Variants in IRGQ observed in about 807,000 individuals in gnomAD.
IRGQ encodes immunity related GTPase Q, also known as immunity-related GTPase family Q protein.
IRGQ carries 5 observed loss-of-function variants against 10.5 expected under a neutral mutation model. The ratio of observed to expected loss-of-function variants is 0.48; its 90% CI spans 0.25 to 1.00. The LOEUF (loss-of-function observed/expected upper bound fraction) is 1.00, where lower values mean the gene tolerates loss of function less well. Ranked by LOEUF, IRGQ falls within the 50% of genes least tolerant of loss-of-function variation. The pLI is 0.16. For missense variants in IRGQ, 792 were observed against 877.7 expected, an observed-to-expected ratio of 0.90 and a Z score of 1.23; for synonymous variants, 418 against 426.0, an observed-to-expected ratio of 0.98 and a Z score of 0.23.
In IRGQ at chr19:43,588,197, T is replaced by A. The variant is rs1183481288; in HGVS notation, c.*3829A>T. The stretch of plus-strand genomic sequence containing the variant: ...CTATAATCCCAGCACTTTGGGAGGC[T>A]GAGGCCGGTGGATCACCTGAGGTCA... On this transcript the variant is annotated 3_prime_UTR_variant, in exon 3 of 3. Transcript: ENST00000422989. The A allele has an allele frequency of 1.3e-5, 2 of 151,288 alleles. No homozygotes were observed. Among genetic ancestry groups the A allele is most frequent in the Non-Finnish European group, 2.9e-5 (2 of 67,840 alleles). 9.4% of individuals were successfully genotyped at this position (151,288 alleles called of 1,614,324 possible). A position where few individuals can be genotyped will look rare whatever the true frequency, so the allele number is the denominator to read the frequency against.
Position 43,593,701 on chromosome 19 carries a change from G to T in IRGQ, c.531-334C>A, listed in dbSNP as rs1033814928. ...GTTTTTCCAAGGGTCGGCTGTGCTG[G>T]GTGGGACAAAGCTCACAGAGGGTGG... On this transcript the variant is annotated intron_variant, in intron 2 of 2. Coordinates refer to ENST00000422989, the MANE Select transcript of IRGQ (RefSeq NM_001007561.3). This position sits in a 1 kb window ranked among gnomAD's most constrained non-coding sequence, Gnocchi z 6.4. 1.3e-5 allele frequency among the ~76,000 whole-genome samples: 2 copies of T among 152,162 alleles called. No homozygotes were observed. Among genetic ancestry groups the T allele is most frequent in the Non-Finnish European group, 2.9e-5 (2 of 68,026 alleles).
Position 43,592,301 on chromosome 19 carries a change from C to T in IRGQ, c.1597G>A (p.Ala533Thr), listed in dbSNP as rs1251069863. ...EPTALARRERALGLASGELAA... is the reference protein window; with the variant it reads ...EPTALARRERTLGLASGELAA... Reference sequence around the variant, plus strand: ...AGCTCTCCAGAAGCCAGGCCCAGGGCACGCTCACGTCGAGCCAGTGCCGTG... The same window carrying T: ...AGCTCTCCAGAAGCCAGGCCCAGGGTACGCTCACGTCGAGCCAGTGCCGTG... Residue 533 changes from alanine (A) to threonine (T), a missense_variant, in exon 3 of 3, where the codon GCC becomes ACC. Physicochemically the swap from Ala to Thr is moderately conservative, Grantham distance 58. Transcript: ENST00000422989. 3 of 1,566,830 alleles carry T rather than the reference C, an allele frequency of 1.9e-6. No individual in the cohort carries two copies. The Admixed American group carries it at 5.4e-5, about 28-fold the overall frequency.
At position 43,592,386 on chromosome 19, in the gene IRGQ, G is replaced by A. The variant is rs1418846811; in HGVS notation, c.1512C>T (p.Cys504=). ...GCTGACCCCGCAGAAGTGCCACGTC[G>A]CATGCCCAGCCCAGCCCTGGGAGTG... ...AAPLPGLGWA[C]DVALLRGQLA... The change falls in exon 3 of 3, where the codon TGC becomes TGT. Residue 504 remains cysteine, a synonymous_variant. Coordinates refer to ENST00000422989, the MANE Select transcript of IRGQ (RefSeq NM_001007561.3). The A allele has an allele frequency of 8.2e-6, 13 of 1,576,542 alleles. No homozygotes were observed. Among genetic ancestry groups the A allele is most frequent in the African/African-American group, 1.3e-5 (1 of 74,166 alleles).
rs1568527525 is a variant in IRGQ at position 43,592,422 on chromosome 19, C to T, written c.1476G>A (p.Ala492=). 4 of 1,576,460 alleles carry T rather than the reference C, an allele frequency of 2.5e-6. No homozygotes were observed. The highest frequency in any genetic ancestry group is 1.3e-5 in the African/African-American group (1 of 74,090). The change falls in exon 3 of 3, where the codon GCG becomes GCA. Residue 492 remains alanine (A), a synonymous_variant. Coordinates refer to ENST00000422989, the MANE Select transcript of IRGQ (RefSeq NM_001007561.3). ...CCAGCCCTGGGAGTGGTGCCGCCGC[C>T]GCCGCCAGACTAGCCAGCAGAGCTG... ...WRPALLASLA[A]AAAPLPGLGW...
rs1207152793 is a variant in IRGQ, at chr19:43,585,244, G to GT, written c.*6781_*6782insA. The GT allele has an allele frequency of 1.3e-5, 2 of 150,350 alleles. No individual in the cohort carries two copies. Among genetic ancestry groups the GT allele is most frequent in the African/African-American group, 4.9e-5 (2 of 40,770 alleles). 9.3% of individuals were successfully genotyped at this position (150,350 alleles called of 1,614,324 possible). A position where few individuals can be genotyped will look rare whatever the true frequency, so the allele number is the denominator to read the frequency against. Reference sequence around the variant, plus strand: ...GGAAGTCCCAGTGCATAAGCACTTTGGTTTTTTTTTTTTGAGAGAAGTCTC... The same window carrying GT: ...GGAAGTCCCAGTGCATAAGCACTTTGTGTTTTTTTTTTTTGAGAGAAGTCTC... On this transcript the variant is annotated 3_prime_UTR_variant, in exon 3 of 3. Transcript: ENST00000422989.
chr19:43,585,979 C>G lies in IRGQ; in HGVS notation c.*6047G>C, dbSNP rs1300247900. 1 of 152,202 alleles carries G rather than the reference C, an allele frequency of 6.6e-6. No individual in the cohort carries two copies. Among genetic ancestry groups the G allele is most frequent in the Non-Finnish European group, 1.5e-5 (1 of 68,034 alleles). The allele number at this position is 152,202 out of a possible 1,614,324, so 9.4% of individuals were successfully genotyped here. ...TTATTCATTCCTCCAAAGAGCACCA[C>G]AGGCCAACCACACCCTTGATGTGTC... On this transcript the variant is annotated 3_prime_UTR_variant, in exon 3 of 3. Coordinates refer to ENST00000422989, the MANE Select transcript of IRGQ (RefSeq NM_001007561.3).
rs1337231074 is a variant in IRGQ at position 43,593,505 on chromosome 19, G to A, written c.531-138C>T. 9.0e-6 allele frequency: 7 copies of A among 777,876 alleles called. No individual in the cohort carries two copies. In the South Asian group the frequency reaches 3.0e-4, roughly 33 times the overall value. The allele number at this position is 777,876 out of a possible 1,614,324, so 48.2% of individuals were successfully genotyped here. A position where few individuals can be genotyped will look rare whatever the true frequency, so the allele number is the denominator to read the frequency against. ...TAGGAAAGGGAAGGGCCAGACTGAT[G>A]GCACAGCAAATAGAAACCAGATAGG... On this transcript the variant is annotated intron_variant, in intron 2 of 2. Transcript: ENST00000422989. This position sits in a 1 kb window ranked among gnomAD's most constrained non-coding sequence, Gnocchi z 6.4.
Position 43,591,825 on chromosome 19 carries a change from G to A in IRGQ, c.*201C>T. Reference sequence around the variant, plus strand: ...GTCGCGCCATTGCACTCCAGCCTGGGCAACAAGAGACTTCGTCTCACAAAA... The same window carrying A: ...GTCGCGCCATTGCACTCCAGCCTGGACAACAAGAGACTTCGTCTCACAAAA... On this transcript the variant is annotated 3_prime_UTR_variant, in exon 3 of 3. Coordinates refer to ENST00000422989, the MANE Select transcript of IRGQ (RefSeq NM_001007561.3). 1 of 504,578 alleles carries A rather than the reference G, an allele frequency of 2.0e-6. No individual in the cohort carries two copies. Among genetic ancestry groups the A allele is most frequent in the Non-Finnish European group, 3.3e-6 (1 of 302,702 alleles). 31.3% of individuals were successfully genotyped at this position (504,578 alleles called of 1,614,324 possible). A position where few individuals can be genotyped will look rare whatever the true frequency, so the allele number is the denominator to read the frequency against.
rs1272752610 is a variant in IRGQ, at chr19:43,591,422, GA to G, written c.*603del. The stretch of plus-strand genomic sequence containing the variant: ...AACAGGACTTCTACCAGCCTCCCTG[GA>G]GGACTAAACATCCAGTAACTCCAGT... On this transcript the variant is annotated 3_prime_UTR_variant, in exon 3 of 3. Transcript: ENST00000422989. 1 of 152,300 alleles carries G rather than the reference GA, an allele frequency of 6.6e-6. No individual in the cohort carries two copies. Among genetic ancestry groups the G allele is most frequent in the African/African-American group, 2.4e-5 (1 of 41,438 alleles). The allele number at this position is 152,300 out of a possible 1,614,324, so 9.4% of individuals were successfully genotyped here. A position where few individuals can be genotyped will look rare whatever the true frequency, so the allele number is the denominator to read the frequency against.
chr19:43,594,950 T>C lies in IRGQ; in HGVS notation c.389A>G (p.Gln130Arg), dbSNP rs917878418. The C allele has an allele frequency of 6.2e-7, 1 of 1,613,942 alleles. No individual in the cohort carries two copies. Among genetic ancestry groups the C allele is most frequent in the African/African-American group, 1.3e-5 (1 of 74,946 alleles). Residue 130 changes from glutamine to arginine, a missense_variant, in exon 2 of 3, where the codon CAG (glutamine) becomes CGG (arginine). Transcript: ENST00000422989. ...DSQTAAQARD[Q>R]TAALLNSAGL... ...CGCGCTGTTCAGCAGAGCTGCTGTC[T>C]GATCACGGGCCTGGGCGGCAGTCTG...
chr19:43,593,451 T>C lies in IRGQ; in HGVS notation c.531-84A>G, dbSNP rs991665452. ...GGGCTATGATGACAAGGGCAGAGCT[T>C]TCCTAATGATCCCAGAATGGGGCAG... On this transcript the variant is annotated intron_variant, in intron 2 of 2. Coordinates refer to ENST00000422989, the MANE Select transcript of IRGQ (RefSeq NM_001007561.3). This position sits in a 1 kb window ranked among gnomAD's most constrained non-coding sequence, Gnocchi z 6.4. 3 of 1,351,304 alleles carry C rather than the reference T, an allele frequency of 2.2e-6. No homozygotes were observed. In the African/African-American group the frequency reaches 4.4e-5, roughly 20 times the overall value. 83.7% of individuals were successfully genotyped at this position (1,351,304 alleles called of 1,614,324 possible). A position where few individuals can be genotyped will look rare whatever the true frequency, so the allele number is the denominator to read the frequency against.
rs59975994 is a variant in IRGQ at position 43,584,666 on chromosome 19, T to C, written c.*7360A>G. On this transcript the variant is annotated 3_prime_UTR_variant, in exon 3 of 3. Coordinates refer to ENST00000422989, the MANE Select transcript of IRGQ (RefSeq NM_001007561.3). ...GTTAATGATTCTCTGGGTTGCAACTTGGTCTGGGATCAGCTGGGCAGTTCT... is the reference window on the plus strand; with the variant it reads ...GTTAATGATTCTCTGGGTTGCAACTCGGTCTGGGATCAGCTGGGCAGTTCT... 75,247 of 151,970 alleles carry C rather than the reference T, an allele frequency of 0.5. 18,815 individuals carry two copies. The highest frequency in any genetic ancestry group is 0.67 in the East Asian group (3,489 of 5,172). The allele number at this position is 151,970 out of a possible 1,614,324, so 9.4% of individuals were successfully genotyped here.
rs1429027880 is a variant in IRGQ at position 43,587,538 on chromosome 19, A to C, written c.*4488T>G. 6.6e-6 allele frequency: 1 copy of C among 152,244 alleles called. No homozygotes were observed. The highest frequency in any genetic ancestry group is 1.5e-5 in the Non-Finnish European group (1 of 68,056). 9.4% of individuals were successfully genotyped at this position (152,244 alleles called of 1,614,324 possible). ...AGATAAAAATGTACCATGGTAATTG[A>C]GATTTGGTGTAAGTGTAAAATATAT... On this transcript the variant is annotated 3_prime_UTR_variant, in exon 3 of 3. Transcript: ENST00000422989.
rs969777644 is a variant in IRGQ at position 43,589,917 on chromosome 19, C to T, written c.*2109G>A. ...GAGTAGAGCCTTGAAGGAAAGAGAA[C>T]AGCAGGTGCATGGGTCCCCAGGCAG... On this transcript the variant is annotated 3_prime_UTR_variant, in exon 3 of 3. Transcript: ENST00000422989. 6.6e-6 allele frequency: 1 copy of T among 152,144 alleles called. No individual in the cohort carries two copies. Among genetic ancestry groups the T allele is most frequent in the Non-Finnish European group, 1.5e-5 (1 of 68,112 alleles). 9.4% of individuals were successfully genotyped at this position (152,144 alleles called of 1,614,324 possible). A position where few individuals can be genotyped will look rare whatever the true frequency, so the allele number is the denominator to read the frequency against.
rs1168648575 is a variant in IRGQ, at chr19:43,595,015, G to T, written c.324C>A (p.Thr108=). ...EAALAALARG[T]PLLAVRNLRP... is the part of the protein sequence containing the mutation. ...GGAGGTTCCGCACAGCCAGTAGCGG[G>T]GTCCCTCGGGCCAGGGCGGCCAGCG... The change falls in exon 2 of 3, where the codon ACC becomes ACA. Residue 108 remains threonine (T), a synonymous_variant. Transcript: ENST00000422989. 2 of 1,613,472 alleles carry T rather than the reference G, an allele frequency of 1.2e-6. No individual in the cohort carries two copies. Among genetic ancestry groups the T allele is most frequent in the Non-Finnish European group, 1.7e-6 (2 of 1,179,888 alleles).
chr19:43,586,224 C>T lies in IRGQ; in HGVS notation c.*5802G>A, dbSNP rs964080188. 3.9e-5 allele frequency: 6 copies of T among 152,154 alleles called. No homozygotes were observed. Among genetic ancestry groups the T allele is most frequent in the African/African-American group, 9.7e-5 (4 of 41,424 alleles). The allele number at this position is 152,154 out of a possible 1,614,324, so 9.4% of individuals were successfully genotyped here. A position where few individuals can be genotyped will look rare whatever the true frequency, so the allele number is the denominator to read the frequency against. On this transcript the variant is annotated 3_prime_UTR_variant, in exon 3 of 3. Transcript: ENST00000422989. Reference sequence around the variant, plus strand: ...GTGCCATGCAGACACACTTCAGTGGCGGCCAGTGATCTGTCTACAAGGGAG... The same window carrying T: ...GTGCCATGCAGACACACTTCAGTGGTGGCCAGTGATCTGTCTACAAGGGAG...
Position 43,592,134 on chromosome 19 carries a change from C to T in IRGQ, c.1764G>A (p.Ala588=), listed in dbSNP as rs768466106. ...CCGCTCGGTAGCCCAGGCCACCTGT[C>T]GCCGCTGCACCACCCGCAGGCCACA... ...SFLWPAGGAA[A]TGGLGYRAAH... is the part of the protein sequence containing the mutation. The change falls in exon 3 of 3, where the codon GCG becomes GCA. Residue 588 remains alanine, a synonymous_variant. Coordinates refer to ENST00000422989, the MANE Select transcript of IRGQ (RefSeq NM_001007561.3). 47 of 1,611,020 alleles carry T rather than the reference C, an allele frequency of 2.9e-5. No homozygotes were observed. Among genetic ancestry groups the T allele is most frequent in the Non-Finnish European group, 4.0e-5 (47 of 1,179,696 alleles).
Position 43,595,302 on chromosome 19 carries a change from G to T in IRGQ, c.37C>A (p.Leu13Met). The change falls in exon 2 of 3, where the codon CTG becomes ATG. Residue 13 changes from leucine to methionine, a missense_variant. Physicochemically the swap from Leu to Met is conservative, Grantham distance 15. Coordinates refer to ENST00000422989, the MANE Select transcript of IRGQ (RefSeq NM_001007561.3). ...GACTTCCCCAAGCCCGGAGGCCCCA[G>T]GAACAAGGCGGTCACGTCACCCTGC... ...PPQGDVTALF[L>M]GPPGLGKSAL... 1 of 1,579,946 alleles carries T rather than the reference G, an allele frequency of 6.3e-7. No individual in the cohort carries two copies. Among genetic ancestry groups the T allele is most frequent in the Non-Finnish European group, 8.6e-7 (1 of 1,162,936 alleles).
At position 43,592,300 on chromosome 19, in the gene IRGQ, G is replaced by A; in HGVS notation, c.1598C>T (p.Ala533Val). 3 of 1,566,378 alleles carry A rather than the reference G, an allele frequency of 1.9e-6. No individual in the cohort carries two copies. The highest frequency in any genetic ancestry group is 2.6e-6 in the Non-Finnish European group (3 of 1,164,836). ...CAGCTCTCCAGAAGCCAGGCCCAGG[G>A]CACGCTCACGTCGAGCCAGTGCCGT... The part of the protein sequence containing the change: ...EPTALARRER[A>V]LGLASGELAA... Residue 533 changes from alanine to valine, a missense_variant, in exon 3 of 3, where the codon GCC (alanine) becomes GTC (valine). Ala to Val is a moderately conservative substitution (Grantham distance 64). Coordinates refer to ENST00000422989, the MANE Select transcript of IRGQ (RefSeq NM_001007561.3).
Sources: gnomAD v4.1 joint callset for allele counts (sites outside exome capture counted in the v4.1 genomes callset) on GRCh38, gnomAD v4.1.1 for gene constraint, Gnocchi (gnomAD v3.1) non-coding constraint, MANE v1.5 for transcripts, NCBI Gene and HGNC (gene_info 2026-07-23, HGNC 2026-07-21) for gene names.